The following SYT3 variants were observed in gnomAD, a reference collection of about 807,000 sequenced individuals.
The protein encoded by SYT3 is synaptotagmin-3.
SYT3 carries 25 observed loss-of-function variants against 50.6 expected under a neutral mutation model. That is an observed-to-expected ratio of 0.49 (90% CI 0.36 to 0.69). The LOEUF (loss-of-function observed/expected upper bound fraction) is 0.69. Ranked by LOEUF, SYT3 falls within the 30% of genes least tolerant of loss-of-function variation. The probability of loss-of-function intolerance (pLI) is 0.00; values close to 1 mark genes in which losing one functional copy is unlikely to be tolerated. For missense variants in SYT3, 589 were observed against 793.6 expected (o/e 0.74, Z 3.10); for synonymous variants, 323 against 353.9 (o/e 0.91, Z 0.98).
upstream of SYT3, among the ~76,000 whole-genome samples, chr19:50,643,749 T>C (rs1267051220): frequency 6.6e-6 from 1 of 151,656 alleles, no homozygotes; most frequent in African/African-American, 2.4e-5. Flanking sequence ...GGGAACAAAA[T>C]AGACTAAAAT....
chr19:50,630,176 AG>A lies in SYT3; in HGVS notation c.675-6del. 9.8e-7 allele frequency: 1 copy of A among 1,020,400 alleles called. No homozygotes were observed. The highest frequency in any genetic ancestry group is 1.5e-5 in the South Asian group (1 of 68,016). 63.2% of individuals were successfully genotyped at this position (1,020,400 alleles called of 1,614,324 possible). A position where few individuals can be genotyped will look rare whatever the true frequency, so the allele number is the denominator to read the frequency against. ...GGTCGGGGCAGGGCTGGGTACCTGT[AG>A]GGGGTTGGGGGGAGACCAAGGTGAG... On this transcript the variant is annotated splice_region_variant and splice_polypyrimidine_tract_variant and intron_variant, in intron 4 of 10. Transcript: ENST00000600079.
the SYT3 span, among the ~76,000 whole-genome samples, chr19:50,645,207 G>A: frequency 6.6e-6 from 1 of 152,194 alleles, no homozygotes; most frequent in Admixed American, 6.5e-5. Context: ...GGAGGAAAAC[G>A]CTGATTCAGG....
Position 50,637,467 on chromosome 19 carries a change from C to T in SYT3, c.-15-41G>A, listed in dbSNP as rs910224387. 2.6e-6 allele frequency: 4 copies of T among 1,549,318 alleles called. No individual in the cohort carries two copies. Among genetic ancestry groups the T allele is most frequent in the Non-Finnish European group, 3.5e-6 (4 of 1,140,852 alleles). ...ATGGGGCAAGGGTGCAGATGGGAAA[C>T]AGAATGGGAGTGCAGGGTGGGCAGG... On this transcript the variant is annotated intron_variant, in intron 2 of 10. Transcript: ENST00000600079. The surrounding 1 kb of genome is among the most constrained non-coding windows in gnomAD (Gnocchi z 4.9).
chr19:50,647,346 C>T, the SYT3 span, among the ~76,000 whole-genome samples: 1 of 151,848 alleles, frequency 6.6e-6, no homozygotes, highest in Non-Finnish European at 1.5e-5. Flanking sequence ...TCTGGAGCCT[C>T]ACTTGTGGGG....
chr19:50,632,762 G>A lies in SYT3; in HGVS notation c.198C>T (p.Val66=), dbSNP rs1172342239. The A allele has an allele frequency of 5.2e-6, 8 of 1,536,864 alleles. No individual in the cohort carries two copies. The highest frequency in any genetic ancestry group is 5.2e-6 in the Non-Finnish European group (6 of 1,145,218). The stretch of plus-strand genomic sequence containing the variant: ...ACACGAAGAGAGAGACACCCAGAAG[G>A]ACAATGCCACAGAATGTCACGATGA... The part of the protein sequence containing the change: ...LSVIVTFCGI[V]LLGVSLFVSW... Residue 66 remains valine, a synonymous_variant, in exon 4 of 11, where the codon GTC becomes GTT. Coordinates refer to ENST00000600079, the MANE Select transcript of SYT3 (RefSeq NM_001160329.2). The surrounding 1 kb of genome is among the most constrained non-coding windows in gnomAD (Gnocchi z 4.7).
At chr19:50,656,949 CA>C in the SYT3 span, among the ~76,000 whole-genome samples, 21,732 of 104,106 alleles carry the variant, frequency 0.21, 1,971 homozygotes, top group East Asian at 0.37. Context: ...GAGACTCTGT[CA>C]AAAAAAAAAG....
chr19:50,625,750 CCCCT>C lies in SYT3; in HGVS notation c.1402+143_1402+146del. 1.0e-6 allele frequency: 1 copy of C among 981,786 alleles called. No individual in the cohort carries two copies. Among genetic ancestry groups the C allele is most frequent in the Non-Finnish European group, 1.5e-6 (1 of 684,066 alleles). The allele number at this position is 981,786 out of a possible 1,614,324, so 60.8% of individuals were successfully genotyped here. ...CCTCTCTCCGACCCAGGAGTCCAGG[CCCCT>C]GGCCCCTCCTCCCTCAGACCCAGGA... On this transcript the variant is annotated intron_variant, in intron 7 of 10. Transcript: ENST00000600079. This position sits in a 1 kb window ranked among gnomAD's most constrained non-coding sequence, Gnocchi z 7.5.
rs529397903 is a variant in SYT3 at position 50,623,613 on chromosome 19, C to CAAAAAA, written c.1708-864_1708-859dup. 9.5e-4 allele frequency among the ~76,000 whole-genome samples: 87 copies of CAAAAAA among 91,616 alleles called. 4 individuals carry two copies. The highest frequency in any genetic ancestry group is 1.0e-3 in the African/African-American group (23 of 22,918). 60.1% of individuals were successfully genotyped at this position (91,616 alleles called of 152,430 possible). A position where few individuals can be genotyped will look rare whatever the true frequency, so the allele number is the denominator to read the frequency against. ...ACAACATGGCAAAACCCTGTCTCTA[C>CAAAAAA]AAAAAAAAAAAAAAAAAAAAAAAAA... On this transcript the variant is annotated intron_variant, in intron 9 of 10. Coordinates refer to ENST00000600079, the MANE Select transcript of SYT3 (RefSeq NM_001160329.2).
At position 50,622,419 on chromosome 19, in the gene SYT3, G is replaced by A. The variant is rs1983884199; in HGVS notation, c.*66C>T. On this transcript the variant is annotated 3_prime_UTR_variant, in exon 11 of 11. Transcript: ENST00000600079. ...TATGGCTTCAAGGAGATGAATTCACGGTCCGGGCAGGAAAGGATGGGGTCC... is the reference window on the plus strand; with the variant it reads ...TATGGCTTCAAGGAGATGAATTCACAGTCCGGGCAGGAAAGGATGGGGTCC... 3 of 247,424 alleles carry A rather than the reference G, an allele frequency of 1.2e-5. No homozygotes were observed. Among genetic ancestry groups the A allele is most frequent in the Middle Eastern group, 1.6e-3 (1 of 622 alleles). The allele number at this position is 247,424 out of a possible 1,614,324, so 15.3% of individuals were successfully genotyped here.
chr19:50,630,238 C>G, intron 4 of SYT3, 67 bp from the exon 5 acceptor site: 1 of 1,420,486 alleles, frequency 7.0e-7, no homozygotes, highest in Non-Finnish European at 9.3e-7. Flanking sequence ...ATGCAGAGAC[C>G]TGGGAGACTC....
the SYT3 span, among the ~76,000 whole-genome samples, chr19:50,656,929 G>A: frequency 6.7e-6 from 1 of 149,540 alleles, no homozygotes; most frequent in Non-Finnish European, 1.5e-5. Context: ...TCCAGCCTGG[G>A]TGACAAAGTG....
chr19:50,643,708 A>AT (rs34491228), upstream of SYT3, among the ~76,000 whole-genome samples: 18,598 of 148,016 alleles, frequency 0.13, 1,381 homozygotes, highest in Admixed American at 0.19. Flanking sequence ...TGTGCCAGGC[A>AT]TTTTTTTTTT....
rs988251233 is a variant in SYT3, at chr19:50,639,854, T to A, written c.-218A>T. On this transcript the variant is annotated 5_prime_UTR_variant, in exon 1 of 11. Transcript: ENST00000600079. The surrounding 1 kb of genome is among the most constrained non-coding windows in gnomAD (Gnocchi z 4.6). Reference sequence around the variant, plus strand: ...CCGCAGCCCCGCGCGCCAGCCGCGGTGCCGGCTCGGCTCCTCCCCTCGCCA... The same window carrying A: ...CCGCAGCCCCGCGCGCCAGCCGCGGAGCCGGCTCGGCTCCTCCCCTCGCCA... 1 of 156,922 alleles carries A rather than the reference T, an allele frequency of 6.4e-6. No individual in the cohort carries two copies. Among genetic ancestry groups the A allele is most frequent in the Non-Finnish European group, 1.4e-5 (1 of 72,270 alleles). The allele number at this position is 156,922 out of a possible 1,614,324, so 9.7% of individuals were successfully genotyped here. A position where few individuals can be genotyped will look rare whatever the true frequency, so the allele number is the denominator to read the frequency against.
rs1318945649 is a variant in SYT3 at position 50,625,890 on chromosome 19, C to T, written c.1402+7G>A. 23 of 1,612,632 alleles carry T rather than the reference C, an allele frequency of 1.4e-5. No homozygotes were observed. Among genetic ancestry groups the T allele is most frequent in the Non-Finnish European group, 1.8e-5 (21 of 1,179,416 alleles). On this transcript the variant is annotated splice_region_variant and intron_variant, in intron 7 of 10. Transcript: ENST00000600079. This position sits in a 1 kb window ranked among gnomAD's most constrained non-coding sequence, Gnocchi z 7.5. The stretch of plus-strand genomic sequence containing the variant: ...CAGCCCTCCTCCCTCAGACCCAGGA[C>T]CCTCACCTGAGAAGCCAGTGAGGTC...
chr19:50,625,573 A>G lies in SYT3; in HGVS notation c.1403-9T>C, dbSNP rs1448736023. 6 of 1,567,966 alleles carry G rather than the reference A, an allele frequency of 3.8e-6. No homozygotes were observed. Among genetic ancestry groups the G allele is most frequent in the Non-Finnish European group, 5.2e-6 (6 of 1,158,406 alleles). ...GGCCTTCACGTAGGGGTCTGGGAAC[A>G]GCAATGAAGTAAGGAACAGAGACTC... On this transcript the variant is annotated splice_polypyrimidine_tract_variant and intron_variant, in intron 7 of 10. Transcript: ENST00000600079. The surrounding 1 kb of genome is among the most constrained non-coding windows in gnomAD (Gnocchi z 7.5).
At chr19:50,653,161 C>T in the SYT3 span, among the ~76,000 whole-genome samples, 2 of 152,198 alleles carry the variant, frequency 1.3e-5, no homozygotes, top group East Asian at 3.9e-4. Flanking sequence ...CCTCAGCCTC[C>T]GGAGTACCTA....
the SYT3 span, among the ~76,000 whole-genome samples, chr19:50,648,863 G>A: frequency 1.3e-5 from 2 of 152,134 alleles, no homozygotes; most frequent in Non-Finnish European, 2.9e-5. Flanking sequence ...AGGGGAGGGG[G>A]CCTCAAGGGG....
chr19:50,629,545 G>C (rs770035376), intron 5 of SYT3, 33 bp from the exon 6 acceptor site: 22 of 1,579,274 alleles, frequency 1.4e-5, no homozygotes, highest in Non-Finnish European at 1.9e-5. Flanking sequence ...GACAGACACC[G>C]TGCCCATAAG....
At chr19:50,650,379 C>A in the SYT3 span, among the ~76,000 whole-genome samples, 1 of 152,194 alleles carries the variant, frequency 6.6e-6, no homozygotes, top group Non-Finnish European at 1.5e-5. Flanking sequence ...TAATAGAAAA[C>A]CAAACTCAGG....
Sources: allele counts gnomAD v4.1 joint callset (sites outside exome capture counted in the v4.1 genomes callset), GRCh38; gene constraint gnomAD v4.1.1; non-coding constraint Gnocchi (gnomAD v3.1); transcripts MANE v1.5; gene names NCBI Gene and HGNC (gene_info 2026-07-23, HGNC 2026-07-21).